Variants in DBF4B observed in about 807,000 individuals in gnomAD.
DBF4B encodes the protein protein DBF4 homolog B.
DBF4B carries 49 observed loss-of-function variants against 53.4 expected under a neutral mutation model. The ratio of observed to expected loss-of-function variants is 0.92; its 90% confidence interval spans 0.73 to 1.16. The LOEUF (loss-of-function observed/expected upper bound fraction) is 1.16, where lower values mean the gene tolerates loss of function less well. Ranked by LOEUF, DBF4B falls within the 50% of genes most tolerant of loss-of-function variation. DBF4B has a pLI of 0.00. For missense variants in DBF4B, 692 were observed against 775.0 expected, an observed-to-expected ratio of 0.89 and a Z score of 1.27; for synonymous variants, 257 against 288.7, an observed-to-expected ratio of 0.89 and a Z score of 1.11.
At chr17:44,710,831 C>G (rs1041209354) in intron 2 of DBF4B, among the ~76,000 whole-genome samples, 1 of 152,138 alleles carries the variant, frequency 6.6e-6, no homozygotes. Context: ...CTCAGCTTCC[C>G]AAAGTGTTGG....
intron 10 of DBF4B, among the ~76,000 whole-genome samples, chr17:44,744,091 C>T (rs1038026768): frequency 5.0e-5 from 3 of 60,250 alleles, no homozygotes; most frequent in Admixed American, 1.4e-4. Flanking sequence ...ACCCCCCCCC[C>T]CCCCCGCCCA....
intron 7 of DBF4B, 64 bp downstream of exon 7, chr17:44,734,227 G>A (rs1333619044): frequency 1.2e-6 from 2 of 1,605,168 alleles, no homozygotes; most frequent in Non-Finnish European, 1.7e-6. Flanking sequence ...TGACAACTTA[G>A]GTAAATCCAT....
chr17:44,737,746 A>G (rs1000590534), intron 8 of DBF4B, among the ~76,000 whole-genome samples: 2 of 152,196 alleles, frequency 1.3e-5, no homozygotes, highest in African/African-American at 4.8e-5. Flanking sequence ...AATTGACTCC[A>G]AATTCATCTT....
intron 5 of DBF4B, 142 bp downstream of exon 5, chr17:44,731,157 A>C (rs1244702834): frequency 3.1e-6 from 3 of 961,048 alleles, no homozygotes; most frequent in South Asian, 2.9e-5. Flanking sequence ...CTTCTTCTAC[A>C]TCAGGTAGTG....
chr17:44,715,716 A>G (rs560180664), intron 2 of DBF4B, among the ~76,000 whole-genome samples: 1 of 144,220 alleles, frequency 6.9e-6, no homozygotes, highest in African/African-American at 2.6e-5. Context: ...TGTTAATTGT[A>G]CTGTTTTTGT....
In DBF4B at chr17:44,731,124, A is replaced by G. The variant is rs565867649; in HGVS notation, c.468+109A>G. 3.1e-5 allele frequency: 37 copies of G among 1,190,472 alleles called. 2 individuals carry two copies. In the African/African-American group the frequency reaches 4.1e-4, roughly 13 times the overall value. The allele number at this position is 1,190,472 out of a possible 1,614,324, so 73.7% of individuals were successfully genotyped here. On this transcript the variant is annotated intron_variant, in intron 5 of 13. Coordinates refer to ENST00000315005, the MANE Select transcript of DBF4B (RefSeq NM_145663.3). ...ACCCACACAAAATGCACACTCTGCG[A>G]TATGTAGTATTGTCATTATTTCCTT... is the stretch of plus-strand genomic sequence containing the variant.
At chr17:44,737,705 C>T (rs187372338) in intron 8 of DBF4B, among the ~76,000 whole-genome samples, 3 of 152,080 alleles carry the variant, frequency 2.0e-5, no homozygotes, top group Non-Finnish European at 4.4e-5. Context: ...GTAAGCTATG[C>T]GAATAACTAT....
In DBF4B at chr17:44,723,001, G is replaced by A. The variant is rs143169539; in HGVS notation, c.204G>A (p.Gly68=). ...PAGKNLQFLT[G]AIQQLGGVIE... ...GCAAGAATCTCCAGTTTTTGACGGG[G>A]GCCATTCAGCAACTGGGTGGGGTAG... Residue 68 remains glycine (G), a synonymous_variant, in exon 3 of 14, where the codon GGG becomes GGA. Coordinates refer to ENST00000315005, the MANE Select transcript of DBF4B (RefSeq NM_145663.3). 7.9e-5 allele frequency: 127 copies of A among 1,614,014 alleles called. 1 individual carries two copies. In the African/African-American group the frequency reaches 1.6e-3, roughly 20 times the overall value.
intron 9 of DBF4B, 138 bp downstream of exon 9, chr17:44,738,562 C>A: frequency 1.2e-6 from 1 of 816,338 alleles, no homozygotes; most frequent in Non-Finnish European, 1.9e-6. Flanking sequence ...CCTGAGAAGC[C>A]ACTTTCTCCC....
intron 2 of DBF4B, 39 bp from the exon 3 acceptor site, chr17:44,722,836 CTCTTT>C (rs1351099718): frequency 6.2e-7 from 1 of 1,608,440 alleles, no homozygotes; most frequent in African/African-American, 1.3e-5. Context: ...CTTCAGGACT[CTCTTT>C]TCAAACTTCT....
Position 44,709,644 on chromosome 17 carries a change from T to A in DBF4B, c.82+278T>A, listed in dbSNP as rs181347481. 3.0e-3 allele frequency among the ~76,000 whole-genome samples: 453 copies of A among 152,188 alleles called. 3 individuals carry two copies. The highest frequency in any genetic ancestry group is 0.011 in the African/African-American group (443 of 41,532). Reference sequence around the variant, plus strand: ...CCCACTTAGTGGTTTTATGTGTGTGTGTGTATGGACGCAGCATCATAGACC... The same window carrying A: ...CCCACTTAGTGGTTTTATGTGTGTGAGTGTATGGACGCAGCATCATAGACC... On this transcript the variant is annotated intron_variant, in intron 2 of 13. Transcript: ENST00000315005.
Position 44,751,689 on chromosome 17 carries a change from A to T in DBF4B, c.*436A>T. ...GTTCTCTGGCTCCTTCCTGCGGTCT[A>T]TACCTACCGCCTCCTCTTCACCTCC... On this transcript the variant is annotated 3_prime_UTR_variant, in exon 14 of 14. Transcript: ENST00000315005. 1 of 1,424,476 alleles carries T rather than the reference A, an allele frequency of 7.0e-7. No individual in the cohort carries two copies. The highest frequency in any genetic ancestry group is 9.2e-7 in the Non-Finnish European group (1 of 1,091,750). The allele number at this position is 1,424,476 out of a possible 1,614,324, so 88.2% of individuals were successfully genotyped here.
At chr17:44,736,605 A>C (rs1288642461) in intron 7 of DBF4B, among the ~76,000 whole-genome samples, 1 of 152,124 alleles carries the variant, frequency 6.6e-6, no homozygotes, top group African/African-American at 2.4e-5. Context: ...GTCAGCTGCC[A>C]TTAAGATTCA....
chr17:44,735,491 G>A (rs1005436001), intron 7 of DBF4B, among the ~76,000 whole-genome samples: 7 of 152,004 alleles, frequency 4.6e-5, no homozygotes, highest in Non-Finnish European at 1.0e-4. Context: ...GGCCAACATG[G>A]TGAAACCCTG....
chr17:44,745,199 A>G lies in DBF4B; in HGVS notation c.831-1884A>G, dbSNP rs59399625. ...CTCCCACCTTGACCTCCCAAAGTGC[A>G]GGGATTATAAGTGTGAGCCACTGTA... On this transcript the variant is annotated intron_variant, in intron 10 of 13. Transcript: ENST00000315005. 5.7e-3 allele frequency among the ~76,000 whole-genome samples: 869 copies of G among 152,188 alleles called. 7 individuals are homozygous for G. Among genetic ancestry groups the G allele is most frequent in the African/African-American group, 0.02 (823 of 41,518 alleles).
rs200186196 is a variant in DBF4B, at chr17:44,741,335, G to A, written c.714-1G>A. On this transcript the variant is annotated splice_acceptor_variant, in intron 9 of 13. Transcript: ENST00000315005. LOFTEE classifies it high-confidence loss of function. ...CAAAGTGGAAGTTTTCTCTGTTGCA[G>A]GAAGTTTCGTCCTTTCCATCATCAG... 2.4e-5 allele frequency: 39 copies of A among 1,607,742 alleles called. No homozygotes were observed. Among genetic ancestry groups the A allele is most frequent in the Admixed American group, 1.7e-4 (10 of 59,990 alleles).
intron 7 of DBF4B, among the ~76,000 whole-genome samples, chr17:44,735,405 G>A (rs1975295508): frequency 6.6e-6 from 1 of 152,188 alleles, no homozygotes; most frequent in Non-Finnish European, 1.5e-5. Context: ...GGGCACAGTG[G>A]CTCACGCCTG....
In DBF4B at chr17:44,722,988, A is replaced by G; in HGVS notation, c.191A>G (p.Gln64Arg). 5.6e-6 allele frequency: 9 copies of G among 1,614,094 alleles called. No individual in the cohort carries two copies. The highest frequency in any genetic ancestry group is 7.6e-6 in the Non-Finnish European group (9 of 1,179,946). The change falls in exon 3 of 14, where the codon CAG becomes CGG. Residue 64 changes from glutamine (Q) to arginine (R), a missense_variant. Physicochemically the swap from Gln to Arg is conservative, Grantham distance 43. Transcript: ENST00000315005. The part of the protein sequence containing the change: ...YLDLPAGKNL[Q>R]FLTGAIQQLG... ...GATCTGCCTGCTGGCAAGAATCTCC[A>G]GTTTTTGACGGGGGCCATTCAGCAA...
In DBF4B at chr17:44,750,714, G is replaced by A; in HGVS notation, c.1309G>A (p.Gly437Ser). 1.9e-6 allele frequency: 3 copies of A among 1,614,022 alleles called. No individual in the cohort carries two copies. Among genetic ancestry groups the A allele is most frequent in the Non-Finnish European group, 2.5e-6 (3 of 1,180,006 alleles). ...ATTLLPALPK[G>S]SREQGCLCPC... ...AACCCTCCTGCCGGCCTTGCCCAAG[G>A]GCTCCAGGGAGCAGGGCTGCCTCTG... The change falls in exon 14 of 14, where the codon GGC (glycine) becomes AGC (serine). Residue 437 changes from glycine (G) to serine (S), a missense_variant. Physicochemically the swap from Gly to Ser is moderately conservative, Grantham distance 56. Around this residue, in one of 3 missense-constraint regions of DBF4B, gnomAD observed 597 missense variants for 665.8 expected, o/e 0.90. Transcript: ENST00000315005.
Sources: gnomAD v4.1 joint callset for allele counts (sites outside exome capture counted in the v4.1 genomes callset) on GRCh38, gnomAD v4.1.1 for gene constraint, gnomAD v4.1.1 regional missense constraint, MANE v1.5 for transcripts, NCBI Gene and HGNC (gene_info 2026-07-23, HGNC 2026-07-21) for gene names.